EEA1: variants seen among roughly 807,000 people sequenced by gnomAD.
EEA1 encodes early endosome antigen 1, 162kD.
EEA1 carries 111 observed loss-of-function variants against 209.2 expected under a neutral mutation model. The observed-to-expected ratio is 0.53, with a 90% confidence interval of 0.45 to 0.62. The LOEUF is 0.62. Among genes scored for constraint, EEA1 ranks in the 20% least tolerant of loss-of-function variants. EEA1 has a pLI of 0.00. For missense variants in EEA1, 1,343 were observed against 1,530.8 expected, an observed-to-expected ratio of 0.88 and a Z score of 2.05; for synonymous variants, 536 against 540.6, an observed-to-expected ratio of 0.99 and a Z score of 0.12.
In EEA1 at chr12:92,873,081, T is replaced by C. The variant is rs114931098; in HGVS notation, c.118-8094A>G. Among the ~76,000 whole-genome samples, 796 of 152,354 alleles carry C rather than the reference T, an allele frequency of 5.2e-3. 7 individuals are homozygous for C. The highest frequency in any genetic ancestry group is 0.018 in the African/African-American group (757 of 41,592). On this transcript the variant is annotated intron_variant, in intron 2 of 28. Coordinates refer to ENST00000322349, the MANE Select transcript of EEA1 (RefSeq NM_003566.4). ...TGAGTGTCAGTGTCAAAAATAGATG[T>C]GGACTTGGGTCTTGGGTCTCAACCA...
intron 3 of EEA1, chr12:92,858,136 C>T: frequency 3.4e-6 from 2 of 585,876 alleles, no homozygotes; most frequent in Non-Finnish European, 6.4e-6. Context: ...GCACATTCCT[C>T]TTCACCTCAG....
At chr12:92,792,301 CAA>C (rs576050200) in intron 21 of EEA1, among the ~76,000 whole-genome samples, 2 of 150,972 alleles carry the variant, frequency 1.3e-5, no homozygotes, top group African/African-American at 4.9e-5. Context: ...GATAGAGACA[CAA>C]AAAAAACCTT....
At chr12:92,899,580 A>G (rs1386824798) in intron 1 of EEA1, among the ~76,000 whole-genome samples, 3 of 152,264 alleles carry the variant, frequency 2.0e-5, no homozygotes, top group African/African-American at 4.8e-5. Context: ...CTGATGCATT[A>G]CACAGGCACA....
intron 18 of EEA1, among the ~76,000 whole-genome samples, chr12:92,806,576 T>A (rs890345354): frequency 6.6e-6 from 1 of 152,160 alleles, no homozygotes; most frequent in Non-Finnish European, 1.5e-5. Flanking sequence ...ATAATATCCA[T>A]CTCATACAAA....
At chr12:92,837,115 T>C (rs1200484341) in intron 10 of EEA1, among the ~76,000 whole-genome samples, 1 of 96,448 alleles carries the variant, frequency 1.0e-5, no homozygotes, top group Non-Finnish European at 2.1e-5. Flanking sequence ...AGTGAGACTC[T>C]GTCTCATTTA....
At position 92,929,249 on chromosome 12, in the gene EEA1, A is replaced by C; in HGVS notation, c.-183T>G. 2.8e-5 allele frequency: 10 copies of C among 360,556 alleles called. No individual in the cohort carries two copies. Among genetic ancestry groups the C allele is most frequent in the Middle Eastern group, 8.1e-4 (1 of 1,228 alleles). 22.3% of individuals were successfully genotyped at this position (360,556 alleles called of 1,614,324 possible). A position where few individuals can be genotyped will look rare whatever the true frequency, so the allele number is the denominator to read the frequency against. Reference sequence around the variant, plus strand: ...TTCCCCACAGGCGGCGAGAGGGAGCACGCGAGAGAGAGCGAGCGAACGACT... The same window carrying C: ...TTCCCCACAGGCGGCGAGAGGGAGCCCGCGAGAGAGAGCGAGCGAACGACT... On this transcript the variant is annotated 5_prime_UTR_variant, in exon 1 of 29. Transcript: ENST00000322349.
In EEA1 at chr12:92,826,219, G is replaced by T; in HGVS notation, c.1471C>A (p.Gln491Lys). Residue 491 changes from glutamine to lysine, a missense_variant, in exon 13 of 29, where the codon CAA becomes AAA. Physicochemically the swap from Gln to Lys is moderately conservative, Grantham distance 53 (BLOSUM62 1). Coordinates refer to ENST00000322349, the MANE Select transcript of EEA1 (RefSeq NM_003566.4). Reference protein sequence around the residue: ...HQLDKTKQQHQEQQALQQSTT... With the variant: ...HQLDKTKQQHKEQQALQQSTT... ...CTTTGCTGAAGAGCCTGTTGTTCTT[G>T]ATGCTGTTGCTTTGTTTTATCTAAT... 3.7e-6 allele frequency: 6 copies of T among 1,613,654 alleles called. No individual in the cohort carries two copies. The highest frequency in any genetic ancestry group is 5.1e-6 in the Non-Finnish European group (6 of 1,179,712).
chr12:92,807,622 C>A (rs1875278474), intron 18 of EEA1, among the ~76,000 whole-genome samples: 1 of 151,848 alleles, frequency 6.6e-6, no homozygotes, highest in African/African-American at 2.4e-5. Flanking sequence ...TTTAAAAATT[C>A]TATTTTTATA....
chr12:92,924,803 C>A (rs1224070504), intron 1 of EEA1, among the ~76,000 whole-genome samples: 2 of 114,834 alleles, frequency 1.7e-5, no homozygotes, highest in African/African-American at 6.7e-5. Flanking sequence ...AGTCCTGGTT[C>A]TTTAATATCT....
At chr12:92,916,278 G>A (rs1303683721) in intron 1 of EEA1, among the ~76,000 whole-genome samples, 1 of 152,070 alleles carries the variant, frequency 6.6e-6, no homozygotes, top group Non-Finnish European at 1.5e-5. Flanking sequence ...ACTCACTTAA[G>A]GGAACAGGGA....
At chr12:92,925,266 G>A (rs1479859683) in intron 1 of EEA1, among the ~76,000 whole-genome samples, 1 of 151,720 alleles carries the variant, frequency 6.6e-6, no homozygotes, top group African/African-American at 2.4e-5. Context: ...TGTTGCTGGA[G>A]TGCAGTGGCA....
Position 92,842,550 on chromosome 12 carries a change from G to C in EEA1, c.830C>G (p.Ala277Gly). The change falls in exon 10 of 29, where the codon GCC (alanine) becomes GGC (glycine). Residue 277 changes from alanine (A) to glycine (G), a missense_variant. Around this residue, in one of 3 missense-constraint regions of EEA1, gnomAD observed 1,307 missense variants for 1,465.5 expected, o/e 0.89. Transcript: ENST00000322349. ...ATISQLRSEL[A>G]KGPQEVAVYV... ...TACAGCAACTTCCTGGGGGCCTTTG[G>C]CAAGTTCACTCCTTAGCTGGCTTAT... 6.2e-7 allele frequency: 1 copy of C among 1,605,166 alleles called. No individual in the cohort carries two copies. The highest frequency in any genetic ancestry group is 8.5e-7 in the Non-Finnish European group (1 of 1,176,522).
At chr12:92,819,215 A>T (rs1404703183) in intron 14 of EEA1, 93 bp downstream of exon 14, 34 of 1,151,762 alleles carry the variant, frequency 3.0e-5, no homozygotes, top group Non-Finnish European at 3.9e-5. Context: ...TGCTAAAAAG[A>T]GCAAGAATGA....
At chr12:92,884,385 G>T in intron 2 of EEA1, 1 of 1,239,676 alleles carries the variant, frequency 8.1e-7, no homozygotes, top group East Asian at 2.3e-5. Context: ...GGCGGTGGTC[G>T]TGGAGGTGGT....
intron 2 of EEA1, among the ~76,000 whole-genome samples, chr12:92,885,505 CCT>C (rs1324382349): frequency 2.0e-5 from 3 of 152,102 alleles, no homozygotes; most frequent in African/African-American, 7.2e-5. Flanking sequence ...AACAATTTCC[CCT>C]GAGAATCCAT....
intron 16 of EEA1, among the ~76,000 whole-genome samples, chr12:92,812,200 A>C (rs941800367): frequency 1.3e-5 from 2 of 151,996 alleles, no homozygotes; most frequent in Non-Finnish European, 2.9e-5. Context: ...ACGGTGGCAC[A>C]TGCTTGTAAT....
intron 2 of EEA1, among the ~76,000 whole-genome samples, chr12:92,871,080 AT>A (rs1445372663): frequency 6.6e-6 from 1 of 152,340 alleles, no homozygotes; most frequent in East Asian, 1.9e-4. Flanking sequence ...TTAATGAAAC[AT>A]TAACAAAATA....
At chr12:92,848,749 TTGAAACAGGGTCTGCC>T (rs1877487396) in intron 9 of EEA1, among the ~76,000 whole-genome samples, 3 of 116,238 alleles carry the variant, frequency 2.6e-5, no homozygotes, top group Non-Finnish European at 5.5e-5. Flanking sequence ...TTTTTTTTTT[TTGAAACAGGGTCTGCC>T]TCTATCGCCC....
At chr12:92,851,351 T>G in intron 8 of EEA1, 85 bp from the exon 9 acceptor site, 1 of 1,314,146 alleles carries the variant, frequency 7.6e-7, no homozygotes, top group Non-Finnish European at 1.0e-6. Flanking sequence ...TACAAAGGAA[T>G]CAAAAGGGAA....
Sources: allele counts gnomAD v4.1 joint callset (sites outside exome capture counted in the v4.1 genomes callset), GRCh38; gene constraint gnomAD v4.1.1; regional missense constraint gnomAD v4.1.1; transcripts MANE v1.5; gene names NCBI Gene and HGNC (gene_info 2026-07-23, HGNC 2026-07-21).